The following SLC25A21 variants were observed in gnomAD, a reference collection of about 807,000 sequenced individuals.
SLC25A21 encodes solute carrier family 25 member 21.
A neutral mutation model predicts 43.8 loss-of-function variants in SLC25A21; 47 were observed. The ratio of observed to expected loss-of-function variants is 1.07; its 90% CI spans 0.85 to 1.37. The LOEUF (loss-of-function observed/expected upper bound fraction) is 1.37, where lower values mean the gene tolerates loss of function less well. Ranked by LOEUF, SLC25A21 falls within the 40% of genes most tolerant of loss-of-function variation. SLC25A21 has a pLI of 0.00. For synonymous variants in SLC25A21, 131 were observed against 121.3 expected (o/e 1.08, Z -0.52); for missense variants, 352 against 350.2 (o/e 1.00, Z -0.04).
chr14:36,819,659 A>G (rs1346487016), intron 2 of SLC25A21, among the ~76,000 whole-genome samples: 2 of 152,186 alleles, frequency 1.3e-5, no homozygotes, highest in Non-Finnish European at 2.9e-5. Context: ...TTCCAAAGTA[A>G]TTTTACATCT....
At chr14:36,858,311 G>A (rs909028340) in intron 2 of SLC25A21, among the ~76,000 whole-genome samples, 2 of 152,252 alleles carry the variant, frequency 1.3e-5, no homozygotes, top group East Asian at 1.9e-4. Flanking sequence ...GTTCTCCGAA[G>A]TGAACCTCTG....
At chr14:36,834,686 C>A (rs1889149108) in intron 2 of SLC25A21, among the ~76,000 whole-genome samples, 1 of 152,144 alleles carries the variant, frequency 6.6e-6, no homozygotes, top group African/African-American at 2.4e-5. Context: ...AGGGACACAG[C>A]CTCACTTCCT....
chr14:36,777,834 C>T (rs1886892981), intron 3 of SLC25A21, among the ~76,000 whole-genome samples: 1 of 152,174 alleles, frequency 6.6e-6, no homozygotes, highest in African/African-American at 2.4e-5. Flanking sequence ...GAGTACATCC[C>T]CCATTCCACA....
At chr14:37,159,215 GA>G (rs35226206) in intron 1 of SLC25A21, among the ~76,000 whole-genome samples, 13 of 148,488 alleles carry the variant, frequency 8.8e-5, no homozygotes, top group African/African-American at 2.7e-4. Flanking sequence ...TCACGGAACA[GA>G]AAAAAAAAAA....
chr14:36,940,950 C>T (rs1010245552), intron 1 of SLC25A21, among the ~76,000 whole-genome samples: 4 of 152,074 alleles, frequency 2.6e-5, no homozygotes, highest in Non-Finnish European at 5.9e-5. Flanking sequence ...AAACCTGTTT[C>T]AGATTAAACA....
rs547686534 is a variant in SLC25A21, at chr14:37,119,528, G to C, written c.70+52753C>G. On this transcript the variant is annotated intron_variant, in intron 1 of 9. Transcript: ENST00000331299. Reference sequence around the variant, plus strand: ...GCCAAGATAGTGCCACTATACTCCAGCCTAGGCGACAGAGTGAGACACCAT... The same window carrying C: ...GCCAAGATAGTGCCACTATACTCCACCCTAGGCGACAGAGTGAGACACCAT... Among the ~76,000 whole-genome samples, 35 of 151,696 alleles carry C rather than the reference G, an allele frequency of 2.3e-4. No individual in the cohort carries two copies. The South Asian group carries it at 7.3e-3, about 32-fold the overall frequency.
chr14:37,148,526 G>A (rs1243013384), intron 1 of SLC25A21, among the ~76,000 whole-genome samples: 2 of 152,068 alleles, frequency 1.3e-5, no homozygotes, highest in African/African-American at 4.8e-5. Context: ...TATGAAAGAG[G>A]TCAAAGTATT....
intron 1 of SLC25A21, among the ~76,000 whole-genome samples, chr14:37,078,842 CT>C (rs112086617): frequency 0.03 from 4,301 of 144,066 alleles, 72 homozygotes; most frequent in Middle Eastern, 0.057. Flanking sequence ...CATTATTTTC[CT>C]TTTTTTTTTT....
intron 7 of SLC25A21, among the ~76,000 whole-genome samples, chr14:36,710,898 T>G (rs2139187880): frequency 6.6e-6 from 1 of 152,318 alleles, no homozygotes; most frequent in African/African-American, 2.4e-5. Context: ...CCAACAATTT[T>G]TCCTTGTGAG....
intron 2 of SLC25A21, among the ~76,000 whole-genome samples, chr14:36,842,773 C>G (rs1043432764): frequency 1.1e-4 from 17 of 151,926 alleles, no homozygotes; most frequent in Non-Finnish European, 2.1e-4. Context: ...AAGGGAACAC[C>G]CACATGGCAC....
chr14:36,966,698 G>A (rs745940390), intron 1 of SLC25A21, among the ~76,000 whole-genome samples: 11 of 152,114 alleles, frequency 7.2e-5, no homozygotes, highest in African/African-American at 2.2e-4. Context: ...CTTGAACTCC[G>A]CAGTCTAAAG....
intron 1 of SLC25A21, among the ~76,000 whole-genome samples, chr14:37,059,791 A>C (rs1961905730): frequency 6.6e-6 from 1 of 152,168 alleles, no homozygotes; most frequent in Non-Finnish European, 1.5e-5. Flanking sequence ...GAATGGCCAG[A>C]TGAGGGCATG....
intron 1 of SLC25A21, among the ~76,000 whole-genome samples, chr14:36,985,510 TTTATC>T (rs1960127361): frequency 6.6e-6 from 1 of 152,182 alleles, no homozygotes; most frequent in African/African-American, 2.4e-5. Flanking sequence ...CAATCCTTTC[TTTATC>T]TTATTTTTTT....
Position 37,172,506 on chromosome 14 carries a change from T to A in SLC25A21, c.-156A>T, listed in dbSNP as rs1594360252. On this transcript the variant is annotated 5_prime_UTR_variant, in exon 1 of 10. Coordinates refer to ENST00000331299, the MANE Select transcript of SLC25A21 (RefSeq NM_030631.4). ...TCCGGCGACTGCTGGAAAGCGAGGGTTCGAGGCGCAGATTCGTCGCGCGAT... is the reference window on the plus strand; with the variant it reads ...TCCGGCGACTGCTGGAAAGCGAGGGATCGAGGCGCAGATTCGTCGCGCGAT... 2.4e-6 allele frequency: 2 copies of A among 818,930 alleles called. No homozygotes were observed. The highest frequency in any genetic ancestry group is 4.1e-6 in the Non-Finnish European group (2 of 482,162). The allele number at this position is 818,930 out of a possible 1,614,324, so 50.7% of individuals were successfully genotyped here.
At chr14:37,122,335 A>T (rs1468456907) in intron 1 of SLC25A21, among the ~76,000 whole-genome samples, 1 of 152,220 alleles carries the variant, frequency 6.6e-6, no homozygotes, top group Non-Finnish European at 1.5e-5. Flanking sequence ...CTACCCAAAC[A>T]TAGTCTGGAA....
At chr14:36,908,433 T>G (rs557252038) in intron 1 of SLC25A21, among the ~76,000 whole-genome samples, 1 of 152,160 alleles carries the variant, frequency 6.6e-6, no homozygotes, top group African/African-American at 2.4e-5. Flanking sequence ...AAAGAAGAAT[T>G]AGAAAGCATT....
chr14:36,903,687 A>AC (rs1443255304), intron 1 of SLC25A21, among the ~76,000 whole-genome samples: 59 of 152,060 alleles, frequency 3.9e-4, no homozygotes, highest in Non-Finnish European at 7.9e-4. Context: ...ACATAAAAAA[A>AC]AATCAGAGTT....
intron 7 of SLC25A21, among the ~76,000 whole-genome samples, chr14:36,702,475 C>CAAAAAAAAAAAAAAAAAAAAAAAAAA (rs1213350246): frequency 3.0e-5 from 2 of 66,140 alleles, no homozygotes; most frequent in Admixed American, 2.1e-4. Flanking sequence ...CCTGTCTCCA[C>CAAAAAAAAAAAAAAAAAAAAAAAAAA]AAAAAAAAAA....
intron 1 of SLC25A21, among the ~76,000 whole-genome samples, chr14:36,904,349 A>G (rs1891477224): frequency 6.6e-6 from 1 of 152,218 alleles, no homozygotes; most frequent in Non-Finnish European, 1.5e-5. Flanking sequence ...GGGTAAGAAA[A>G]TTATAAAATA....
Sources: gnomAD v4.1 joint callset for allele counts (sites outside exome capture counted in the v4.1 genomes callset) on GRCh38, gnomAD v4.1.1 for gene constraint, MANE v1.5 for transcripts, NCBI Gene and HGNC (gene_info 2026-07-23, HGNC 2026-07-21) for gene names.